The following SLC9A9 variants were observed in gnomAD, a reference collection of about 807,000 sequenced individuals.
SLC9A9 encodes sodium/hydrogen exchanger 9.
In SLC9A9, 62 loss-of-function variants were observed where a neutral mutation model predicts 77.8. That is an observed-to-expected ratio of 0.80 (90% confidence interval 0.65 to 0.98). The LOEUF is 0.98. Ranked by LOEUF, SLC9A9 falls within the 50% of genes least tolerant of loss-of-function variation. SLC9A9 has a pLI of 0.00. For missense variants in SLC9A9, 775 were observed against 774.9 expected (o/e 1.00, Z 0.00); for synonymous variants, 320 against 283.5 (o/e 1.13, Z -1.29).
At chr3:143,526,638 A>G (rs1293889176) in intron 9 of SLC9A9, among the ~76,000 whole-genome samples, 1 of 152,142 alleles carries the variant, frequency 6.6e-6, no homozygotes, top group Non-Finnish European at 1.5e-5. Context: ...TTCCATTTTA[A>G]GGAGACAGAG....
intron 6 of SLC9A9, among the ~76,000 whole-genome samples, chr3:143,632,046 T>C (rs1397417885): frequency 2.0e-5 from 3 of 152,108 alleles, no homozygotes; most frequent in Admixed American, 2.0e-4. Flanking sequence ...CAACCTCATG[T>C]GATCATATTG....
At chr3:143,280,617 T>C (rs1391118748) in intron 14 of SLC9A9, among the ~76,000 whole-genome samples, 1 of 149,014 alleles carries the variant, frequency 6.7e-6, no homozygotes, top group Non-Finnish European at 1.5e-5. Flanking sequence ...AGTGGTGCCA[T>C]CTTGGCTCAC....
intron 2 of SLC9A9, among the ~76,000 whole-genome samples, chr3:143,803,218 G>C (rs1264469984): frequency 1.3e-5 from 2 of 152,094 alleles, no homozygotes; most frequent in African/African-American, 4.8e-5. Flanking sequence ...TCTTCCTCCT[G>C]GAAGTCACAA....
intron 4 of SLC9A9, among the ~76,000 whole-genome samples, chr3:143,719,852 G>C (rs1934451348): frequency 6.6e-6 from 1 of 152,012 alleles, no homozygotes; most frequent in Admixed American, 6.6e-5. Context: ...TTTGTGAAGA[G>C]GCCTGCAATC....
At chr3:143,553,412 G>A (rs1169809834) in intron 8 of SLC9A9, among the ~76,000 whole-genome samples, 2 of 152,138 alleles carry the variant, frequency 1.3e-5, no homozygotes, top group East Asian at 1.9e-4. Context: ...CAAGATATAA[G>A]TATTCCTCGA....
At chr3:143,752,678 G>C (rs1560063478) in intron 4 of SLC9A9, among the ~76,000 whole-genome samples, 1 of 149,114 alleles carries the variant, frequency 6.7e-6, no homozygotes, top group Non-Finnish European at 1.5e-5. Context: ...TATGTGAAAA[G>C]GTTTTTTTTT....
At chr3:143,787,986 C>T (rs911208428) in intron 4 of SLC9A9, among the ~76,000 whole-genome samples, 1 of 151,988 alleles carries the variant, frequency 6.6e-6, no homozygotes, top group Non-Finnish European at 1.5e-5. Flanking sequence ...ACAAGATATA[C>T]AGACTTATTA....
chr3:143,538,338 C>A (rs1330201310), intron 9 of SLC9A9, among the ~76,000 whole-genome samples: 1 of 152,060 alleles, frequency 6.6e-6, no homozygotes, highest in African/African-American at 2.4e-5. Context: ...AAGCCAAAAC[C>A]CAAACAATAA....
At chr3:143,455,044 A>G (rs530848911) in intron 12 of SLC9A9, among the ~76,000 whole-genome samples, 1 of 152,348 alleles carries the variant, frequency 6.6e-6, no homozygotes, top group Non-Finnish European at 1.5e-5. Flanking sequence ...ATAATCCATC[A>G]TATTTGCAGT....
At chr3:143,766,550 T>C (rs770101002) in intron 4 of SLC9A9, among the ~76,000 whole-genome samples, 8 of 152,080 alleles carry the variant, frequency 5.3e-5, no homozygotes, top group Non-Finnish European at 8.8e-5. Context: ...TTCTTAGCTG[T>C]AGGTGGAGGG....
intron 5 of SLC9A9, among the ~76,000 whole-genome samples, chr3:143,669,217 T>C (rs962519538): frequency 2.0e-5 from 3 of 152,218 alleles, no homozygotes; most frequent in Non-Finnish European, 4.4e-5. Context: ...AAATACTCTC[T>C]AAGAATTACT....
intron 6 of SLC9A9, among the ~76,000 whole-genome samples, chr3:143,593,699 T>A (rs2037700025): frequency 1.3e-5 from 2 of 152,144 alleles, no homozygotes; most frequent in South Asian, 4.1e-4. Context: ...AAATTTATAG[T>A]GAGAAATAGC....
intron 6 of SLC9A9, among the ~76,000 whole-genome samples, chr3:143,580,961 A>G (rs1342259805): frequency 1.3e-5 from 2 of 152,246 alleles, no homozygotes. Flanking sequence ...GAAGGGAAGC[A>G]GGATTTGATC....
intron 5 of SLC9A9, among the ~76,000 whole-genome samples, chr3:143,683,933 C>A (rs759096152): frequency 6.6e-6 from 1 of 151,908 alleles, no homozygotes; most frequent in Non-Finnish European, 1.5e-5. Context: ...CTGTATTATA[C>A]TGATGGAAAA....
intron 14 of SLC9A9, among the ~76,000 whole-genome samples, chr3:143,301,135 T>C (rs558134230): frequency 6.6e-6 from 1 of 152,332 alleles, no homozygotes; most frequent in East Asian, 1.9e-4. Context: ...TGGCTAATCC[T>C]GCAGAACGGC....
At chr3:143,805,546 C>G (rs1360995330) in intron 2 of SLC9A9, among the ~76,000 whole-genome samples, 1 of 152,054 alleles carries the variant, frequency 6.6e-6, no homozygotes, top group Non-Finnish European at 1.5e-5. Flanking sequence ...CCAGATGGCC[C>G]GAAGCAAGTG....
intron 1 of SLC9A9, among the ~76,000 whole-genome samples, chr3:143,844,169 A>C (rs992310739): frequency 6.6e-6 from 1 of 152,230 alleles, no homozygotes; most frequent in Admixed American, 6.5e-5. Context: ...CTTGGTCTCT[A>C]CAAGTGTTCA....
At chr3:143,755,988 G>C (rs16854231) in intron 4 of SLC9A9, among the ~76,000 whole-genome samples, 13,976 of 152,080 alleles carry the variant, frequency 0.092, 2,081 homozygotes, top group African/African-American at 0.31. Context: ...ATAATTCTTG[G>C]GGAAACAGAG....
At chr3:143,384,345 T>C (rs1489308960) in intron 12 of SLC9A9, among the ~76,000 whole-genome samples, 2 of 152,104 alleles carry the variant, frequency 1.3e-5, no homozygotes, top group African/African-American at 4.8e-5. Flanking sequence ...TGCTGGCTGT[T>C]CCCTAGAGGC....
Sources: allele counts gnomAD v4.1 joint callset (sites outside exome capture counted in the v4.1 genomes callset), GRCh38; gene constraint gnomAD v4.1.1; transcripts MANE v1.5; gene names NCBI Gene and HGNC (gene_info 2026-07-23, HGNC 2026-07-21).